Variants in ARSG observed in about 807,000 individuals in gnomAD.
ARSG encodes arylsulfatase G.
ARSG carries 37 observed loss-of-function variants against 50.5 expected under a neutral mutation model. The observed-to-expected ratio is 0.73, with a 90% CI of 0.56 to 0.96. ARSG has a LOEUF of 0.96. Among genes scored for constraint, ARSG ranks in the 50% least tolerant of loss-of-function variants. The pLI is 0.00. For synonymous variants in ARSG, 225 were observed against 254.6 expected (o/e 0.88, Z 1.11); for missense variants, 629 against 675.3 (o/e 0.93, Z 0.76).
rs563328538 is a variant in ARSG, at chr17:68,286,049, G to A, written c.-551-20894G>A. Among the ~76,000 whole-genome samples, 5 of 152,262 alleles carry A rather than the reference G, an allele frequency of 3.3e-5. No homozygotes were observed. The East Asian group carries it at 9.7e-4, about 29-fold the overall frequency. On this transcript the variant is annotated intron_variant, in intron 1 of 11. Coordinates refer to the ARSG transcript ENST00000448504. ...GCTGGGATTACAGATGTGAGCCACCGCGCCTGGCATAATTTTTATTTTTTG... is the reference window on the plus strand; with the variant it reads ...GCTGGGATTACAGATGTGAGCCACCACGCCTGGCATAATTTTTATTTTTTG...
At chr17:68,260,234 A>G (rs2075051641) in intron 1 of ARSG, among the ~76,000 whole-genome samples, 1 of 152,208 alleles carries the variant, frequency 6.6e-6, no homozygotes, top group Non-Finnish European at 1.5e-5. Flanking sequence ...TGTTTAACCA[A>G]TGGCAAAAAT....
At chr17:68,385,801 G>A (rs552201158) in intron 9 of ARSG, among the ~76,000 whole-genome samples, 1 of 152,234 alleles carries the variant, frequency 6.6e-6, no homozygotes, top group Admixed American at 6.5e-5. Flanking sequence ...TTCCATCCTT[G>A]GGGTTAAGGC....
intron 11 of ARSG, among the ~76,000 whole-genome samples, chr17:68,403,590 A>G (rs528538617): frequency 6.6e-6 from 1 of 152,370 alleles, no homozygotes; most frequent in East Asian, 1.9e-4. Context: ...GATTAGAGAA[A>G]GATGTGTTCG....
At chr17:68,288,427 G>GT (rs2075893806), upstream of ARSG, among the ~76,000 whole-genome samples, 1 of 152,160 alleles carries the variant, frequency 6.6e-6, no homozygotes, top group South Asian at 2.1e-4. Context: ...GAATATAAAA[G>GT]TTTATCTGTC....
chr17:68,358,277 G>A (rs1322553277), intron 6 of ARSG, among the ~76,000 whole-genome samples: 1 of 152,066 alleles, frequency 6.6e-6, no homozygotes, highest in Admixed American at 6.6e-5. Context: ...TGTGTGCGGT[G>A]GCTCCTACCT....
the ARSG span, among the ~76,000 whole-genome samples, chr17:68,448,591 C>G: frequency 6.6e-6 from 1 of 152,044 alleles, no homozygotes; most frequent in Non-Finnish European, 1.5e-5. Flanking sequence ...CTTCCTTGTC[C>G]CATTTGCTAA....
intron 8 of ARSG, among the ~76,000 whole-genome samples, chr17:68,371,574 A>G (rs2079849128): frequency 1.3e-5 from 2 of 152,312 alleles, no homozygotes; most frequent in East Asian, 3.9e-4. Flanking sequence ...TGTTGGGGAC[A>G]ATTTGACATA....
the ARSG span, among the ~76,000 whole-genome samples, chr17:68,445,697 G>A: frequency 3.9e-5 from 6 of 152,196 alleles, no homozygotes; most frequent in Non-Finnish European, 5.9e-5. Flanking sequence ...TTGATGTATC[G>A]GGTGTTTAAA....
At chr17:68,427,472 T>C (rs3785607), downstream of ARSG, 3,938 of 349,726 alleles carry the variant, frequency 0.011, 244 homozygotes, top group East Asian at 0.17. Flanking sequence ...TTCTCCTGCC[T>C]CAGCCTCCCG....
chr17:68,283,306 G>A (rs890789771), intron 1 of ARSG, among the ~76,000 whole-genome samples: 6 of 150,878 alleles, frequency 4.0e-5, no homozygotes, highest in Non-Finnish European at 8.9e-5. Context: ...GAATCACGAG[G>A]TCAGGAGATC....
intron 1 of ARSG, among the ~76,000 whole-genome samples, chr17:68,301,565 A>G (rs2076419139): frequency 6.6e-6 from 1 of 152,168 alleles, no homozygotes; most frequent in African/African-American, 2.4e-5. Context: ...GACCCATGCA[A>G]GAGACTCCTA....
In ARSG at chr17:68,271,318, G is replaced by A. The variant is rs2144952351; in HGVS notation, c.-552+11892G>A. On this transcript the variant is annotated intron_variant, in intron 1 of 11. Coordinates refer to the ARSG transcript ENST00000448504. The surrounding 1 kb of genome is among the most constrained non-coding windows in gnomAD (Gnocchi z 5.3). Reference sequence around the variant, plus strand: ...CAAAATGGAGAAGTCTAATAGCGGGGCTTTCTTTTCGCTTGGCCTGGGGCT... The same window carrying A: ...CAAAATGGAGAAGTCTAATAGCGGGACTTTCTTTTCGCTTGGCCTGGGGCT... 1.2e-6 allele frequency: 2 copies of A among 1,614,176 alleles called. No homozygotes were observed. The highest frequency in any genetic ancestry group is 1.7e-6 in the Non-Finnish European group (2 of 1,180,030).
At chr17:68,388,920 C>T in intron 9 of ARSG, among the ~76,000 whole-genome samples, 1 of 70,408 alleles carries the variant, frequency 1.4e-5, no homozygotes, top group African/African-American at 8.5e-5. Context: ...GAGACTCTGT[C>T]TCAAAAAAAA....
At chr17:68,444,833 TCTCTC>T in the ARSG span, among the ~76,000 whole-genome samples, 1 of 152,038 alleles carries the variant, frequency 6.6e-6, no homozygotes, top group South Asian at 2.1e-4. Flanking sequence ...TGTTTTTACT[TCTCTC>T]CTTCCTTCTT....
intron 1 of ARSG, among the ~76,000 whole-genome samples, chr17:68,293,078 C>G (rs1420081325): frequency 6.6e-6 from 1 of 152,180 alleles, no homozygotes; most frequent in African/African-American, 2.4e-5. Flanking sequence ...ATTGCTGACT[C>G]CAACACACTC....
At chr17:68,404,553 A>T (rs562904312) in intron 11 of ARSG, among the ~76,000 whole-genome samples, 1 of 152,178 alleles carries the variant, frequency 6.6e-6, no homozygotes, top group Admixed American at 6.5e-5. Context: ...ATGATGTATC[A>T]TACTTTTTAT....
At chr17:68,428,833 G>C in the ARSG span, 1 of 1,612,136 alleles carries the variant, frequency 6.2e-7, no homozygotes, top group African/African-American at 1.3e-5. Context: ...CTTCACCTGT[G>C]GGTTTTGATT....
chr17:68,436,557 A>C, the ARSG span: 2 of 1,373,820 alleles, frequency 1.5e-6, no homozygotes, highest in Non-Finnish European at 2.1e-6. Context: ...ATCTGAAAAC[A>C]GTACAGCTAC....
chr17:68,351,908 T>A (rs757722894), intron 5 of ARSG, among the ~76,000 whole-genome samples: 8 of 152,142 alleles, frequency 5.3e-5, no homozygotes, highest in Non-Finnish European at 1.0e-4. Flanking sequence ...TTTTTACAGG[T>A]TCCTCAGACT....
Sources: gnomAD v4.1 joint callset for allele counts (sites outside exome capture counted in the v4.1 genomes callset) on GRCh38, gnomAD v4.1.1 for gene constraint, Gnocchi (gnomAD v3.1) non-coding constraint, MANE v1.5 for transcripts, NCBI Gene and HGNC (gene_info 2026-07-23, HGNC 2026-07-21) for gene names.